Variants in SPOCK1 observed in about 807,000 individuals in gnomAD.
The protein encoded by SPOCK1 is testican-1.
Under a neutral mutation model 55.3 loss-of-function variants are expected in SPOCK1, and 23 were observed. That is an observed-to-expected ratio of 0.42 (90% confidence interval 0.30 to 0.59). The LOEUF is 0.59. SPOCK1 is among the 20% of genes least tolerant of loss of function. The pLI is 0.22. For synonymous variants in SPOCK1, 226 were observed against 221.0 expected (o/e 1.02, Z -0.20); for missense variants, 499 against 552.5 (o/e 0.90, Z 0.97).
At chr5:136,980,938 T>C (rs1268364636) in intron 9 of SPOCK1, among the ~76,000 whole-genome samples, 2 of 150,944 alleles carry the variant, frequency 1.3e-5, no homozygotes, top group African/African-American at 5.0e-5. Flanking sequence ...TTCCTGGTTT[T>C]GATTTTGGTT....
chr5:137,165,049 G>T (rs750855454), intron 3 of SPOCK1, among the ~76,000 whole-genome samples: 1 of 152,180 alleles, frequency 6.6e-6, no homozygotes, highest in Non-Finnish European at 1.5e-5. Context: ...GCTGATTGGG[G>T]AGCCCCAGGA....
rs541647964 is a variant in SPOCK1, at chr5:137,421,047, G to C, written c.186+77326C>G. On this transcript the variant is annotated intron_variant, in intron 2 of 10. Transcript: ENST00000394945. ...ACCTCTTTATTTCTGCCTTCATTTC[G>C]TTATGTACCCAGTAGTCATTCAGGA... Among the ~76,000 whole-genome samples, 541 of 152,214 alleles carry C rather than the reference G, an allele frequency of 3.6e-3. 5 individuals carry two copies. Among genetic ancestry groups the C allele is most frequent in the African/African-American group, 0.012 (508 of 41,506 alleles).
At chr5:137,058,824 A>T (rs1650433719) in intron 6 of SPOCK1, among the ~76,000 whole-genome samples, 1 of 152,134 alleles carries the variant, frequency 6.6e-6, no homozygotes, top group South Asian at 2.1e-4. Context: ...CCAAGCCCTG[A>T]GGCAGTGGTG....
chr5:137,153,436 A>C (rs1347671564), intron 3 of SPOCK1, among the ~76,000 whole-genome samples: 1 of 152,216 alleles, frequency 6.6e-6, no homozygotes, highest in Non-Finnish European at 1.5e-5. Flanking sequence ...AACATTTATG[A>C]AACTCATTTT....
chr5:137,478,232 C>A (rs1753877392), intron 2 of SPOCK1, among the ~76,000 whole-genome samples: 1 of 152,062 alleles, frequency 6.6e-6, no homozygotes, highest in East Asian at 1.9e-4. Context: ...TAGAATAGCA[C>A]CTGGCACAGA....
At chr5:137,477,563 A>G (rs1753861651) in intron 2 of SPOCK1, among the ~76,000 whole-genome samples, 1 of 152,170 alleles carries the variant, frequency 6.6e-6, no homozygotes, top group African/African-American at 2.4e-5. Context: ...CTTGCAGGGA[A>G]GCAGAGGGGG....
chr5:137,388,707 A>G (rs1751647997), intron 2 of SPOCK1, among the ~76,000 whole-genome samples: 1 of 152,168 alleles, frequency 6.6e-6, no homozygotes. Context: ...GCATTCACAC[A>G]TCACACCGAA....
chr5:137,169,205 G>A (rs994404235), intron 3 of SPOCK1, among the ~76,000 whole-genome samples: 1 of 152,030 alleles, frequency 6.6e-6, no homozygotes, highest in Non-Finnish European at 1.5e-5. Flanking sequence ...GAGGGGTTGG[G>A]GGGAAGTGGG....
chr5:137,240,768 A>C (rs1324645334), intron 3 of SPOCK1, among the ~76,000 whole-genome samples: 1 of 152,238 alleles, frequency 6.6e-6, no homozygotes, highest in Non-Finnish European at 1.5e-5. Flanking sequence ...AGAGACTCTG[A>C]AAGAGAAAAG....
intron 3 of SPOCK1, among the ~76,000 whole-genome samples, chr5:137,226,708 T>A (rs1295739301): frequency 6.6e-6 from 1 of 152,242 alleles, no homozygotes; most frequent in Non-Finnish European, 1.5e-5. Context: ...GGCCTTTGCA[T>A]AGGTTGTTCC....
intron 2 of SPOCK1, among the ~76,000 whole-genome samples, chr5:137,441,338 TCTC>T (rs1753002310): frequency 6.6e-6 from 1 of 152,066 alleles, no homozygotes; most frequent in South Asian, 2.1e-4. Flanking sequence ...CACCTCAGAG[TCTC>T]CTCAAGACCT....
rs868418104 is a variant in SPOCK1 at position 137,077,145 on chromosome 5, C to T, written c.475-9316G>A. Among the ~76,000 whole-genome samples, 20 of 152,284 alleles carry T rather than the reference C, an allele frequency of 1.3e-4. No homozygotes were observed. The Middle Eastern group carries it at 0.014, about 104-fold the overall frequency. On this transcript the variant is annotated intron_variant, in intron 5 of 10. Transcript: ENST00000394945. ...TTCACCGTGTTAGCCAGGATGGTCT[C>T]GATCTCCTGACCTCGTGATCCACCC...
At chr5:137,270,527 C>A (rs1756942073) in intron 2 of SPOCK1, among the ~76,000 whole-genome samples, 1 of 152,132 alleles carries the variant, frequency 6.6e-6, no homozygotes, top group African/African-American at 2.4e-5. Flanking sequence ...TTCTAACTAA[C>A]CCATATGAGG....
intron 6 of SPOCK1, among the ~76,000 whole-genome samples, chr5:137,002,150 TACTG>T (rs1005697315): frequency 2.0e-5 from 3 of 152,266 alleles, no homozygotes; most frequent in South Asian, 2.1e-4. Context: ...GAGTTTAAAA[TACTG>T]ACATTAAACT....
At position 137,203,455 on chromosome 5, in the gene SPOCK1, C is replaced by T. The variant is rs1434628; in HGVS notation, c.233-62761G>A. On this transcript the variant is annotated intron_variant, in intron 3 of 10. Transcript: ENST00000394945. ...CACTCATCTCATGAAGTGAAAAAGGCGATGAATGGCTCCAGGCCTAAGCAG... is the reference window on the plus strand; with the variant it reads ...CACTCATCTCATGAAGTGAAAAAGGTGATGAATGGCTCCAGGCCTAAGCAG... Among the ~76,000 whole-genome samples the T allele has an allele frequency of 7.9e-3, 1,195 of 152,118 alleles. 20 individuals carry two copies. Among genetic ancestry groups the T allele is most frequent in the African/African-American group, 0.027 (1,121 of 41,492 alleles).
intron 6 of SPOCK1, among the ~76,000 whole-genome samples, chr5:136,995,876 G>C (rs1401145507): frequency 6.6e-6 from 1 of 152,106 alleles, no homozygotes; most frequent in Non-Finnish European, 1.5e-5. Flanking sequence ...GGTGTGGGTC[G>C]AGAGAGATCA....
chr5:137,441,054 C>T (rs1266411262), intron 2 of SPOCK1, among the ~76,000 whole-genome samples: 3 of 152,186 alleles, frequency 2.0e-5, no homozygotes, highest in Admixed American at 6.5e-5. Flanking sequence ...GTTCACTTGT[C>T]TGCAGGTGAT....
At chr5:137,181,823 G>C (rs978221023) in intron 3 of SPOCK1, among the ~76,000 whole-genome samples, 1 of 152,216 alleles carries the variant, frequency 6.6e-6, no homozygotes, top group Non-Finnish European at 1.5e-5. Flanking sequence ...GCAGATGCCT[G>C]CCTGGGAAAT....
intron 6 of SPOCK1, among the ~76,000 whole-genome samples, chr5:137,056,542 T>G (rs1409407652): frequency 6.6e-6 from 1 of 152,158 alleles, no homozygotes; most frequent in African/African-American, 2.4e-5. Context: ...GCCTCTGTAA[T>G]ACTTCTCAGG....
Sources: gnomAD v4.1 joint callset for allele counts (sites outside exome capture counted in the v4.1 genomes callset) on GRCh38, gnomAD v4.1.1 for gene constraint, MANE v1.5 for transcripts, NCBI Gene and HGNC (gene_info 2026-07-23, HGNC 2026-07-21) for gene names.